The following ETF1 variants were observed in gnomAD, a reference collection of about 807,000 sequenced individuals.
ETF1 encodes eukaryotic peptide chain release factor subunit 1.
ETF1 carries 4 observed loss-of-function variants against 55.1 expected under a neutral mutation model. That is an observed-to-expected ratio of 0.07 (90% CI 0.04 to 0.17). ETF1 has a LOEUF of 0.17. Ranked by LOEUF, ETF1 falls within the 10% of genes least tolerant of loss-of-function variation. The probability of loss-of-function intolerance (pLI) is 1.00; values close to 1 mark genes in which losing one functional copy is unlikely to be tolerated. For synonymous variants in ETF1, 157 were observed against 182.3 expected, an observed-to-expected ratio of 0.86 and a Z score of 1.12; for missense variants, 142 against 523.6, an observed-to-expected ratio of 0.27 and a Z score of 7.11.
intron 2 of ETF1, among the ~76,000 whole-genome samples, chr5:138,530,085 T>C (rs1580710228): frequency 6.6e-6 from 1 of 151,830 alleles, no homozygotes; most frequent in East Asian, 1.9e-4. Context: ...TCATCAACAA[T>C]GCTCAAGAAC....
intron 2 of ETF1, chr5:138,519,203 T>C: frequency 1.0e-6 from 1 of 985,040 alleles, no homozygotes; most frequent in Non-Finnish European, 1.2e-6. Context: ...TGGTAGTGAA[T>C]CTGTCCGTGG....
At position 138,506,797 on chromosome 5, in the gene ETF1, T is replaced by C. The variant is rs1231034121; in HGVS notation, c.*1508A>G. 1 of 152,590 alleles carries C rather than the reference T, an allele frequency of 6.6e-6. No individual in the cohort carries two copies. The highest frequency in any genetic ancestry group is 1.5e-5 in the Non-Finnish European group (1 of 68,028). The allele number at this position is 152,590 out of a possible 1,614,324, so 9.5% of individuals were successfully genotyped here. On this transcript the variant is annotated 3_prime_UTR_variant, in exon 11 of 11. Coordinates refer to ENST00000360541, the MANE Select transcript of ETF1 (RefSeq NM_004730.4). ...CTGTAACCTGGGAACAAGGAGCTGG[T>C]TCAGACCAATAAAGCTACGAGTGAC...
chr5:138,529,263 T>G (rs1006448863), intron 2 of ETF1, among the ~76,000 whole-genome samples: 1 of 152,164 alleles, frequency 6.6e-6, no homozygotes, highest in African/African-American at 2.4e-5. Flanking sequence ...TGCAAGTCAA[T>G]CAAAGTTGTT....
At chr5:138,513,879 T>C (rs1057231024) in intron 4 of ETF1, 173 bp from the exon 5 acceptor site, 38 of 799,104 alleles carry the variant, frequency 4.8e-5, no homozygotes, top group Admixed American at 6.2e-5. Context: ...GTAACTCTTA[T>C]GGACAAATTT....
At chr5:138,514,568 CTT>C (rs59685005) in intron 4 of ETF1, among the ~76,000 whole-genome samples, 108 of 139,630 alleles carry the variant, frequency 7.7e-4, no homozygotes, top group Non-Finnish European at 6.9e-4. Context: ...TAACTTGTTC[CTT>C]TTTTTTTTTT....
At chr5:138,511,909 T>C in intron 6 of ETF1, 3 of 984,904 alleles carry the variant, frequency 3.0e-6, no homozygotes, top group Non-Finnish European at 3.6e-6. Context: ...TAGTAGAGGT[T>C]AAGACGGGCT....
chr5:138,539,253 G>C (rs563074309), intron 2 of ETF1, among the ~76,000 whole-genome samples: 16 of 152,166 alleles, frequency 1.1e-4, no homozygotes, highest in Non-Finnish European at 1.8e-4. Context: ...CTCTAGTTAT[G>C]ATTTTATTAA....
At chr5:138,523,660 T>A (rs145688201) in intron 2 of ETF1, among the ~76,000 whole-genome samples, 1 of 152,194 alleles carries the variant, frequency 6.6e-6, no homozygotes, top group Admixed American at 6.5e-5. Context: ...AGAGTGATTG[T>A]TAAAGGGTAC....
At chr5:138,528,205 G>A (rs761698041) in intron 2 of ETF1, among the ~76,000 whole-genome samples, 5 of 152,196 alleles carry the variant, frequency 3.3e-5, no homozygotes, top group Admixed American at 6.5e-5. Context: ...TCAGAGCTGA[G>A]GAAGAACAGG....
At chr5:138,541,717 G>T in intron 2 of ETF1, 1 of 1,109,362 alleles carries the variant, frequency 9.0e-7, no homozygotes, top group Non-Finnish European at 1.1e-6. Context: ...ACTATTCTAA[G>T]AATGCTCAGA....
intron 2 of ETF1, among the ~76,000 whole-genome samples, chr5:138,524,378 T>C (rs2127097861): frequency 1.3e-5 from 2 of 151,010 alleles, no homozygotes; most frequent in Middle Eastern, 3.4e-3. Flanking sequence ...ACCAAAAAAA[T>C]ATAGTGAGAC....
chr5:138,534,045 T>C (rs1580716602), intron 2 of ETF1, among the ~76,000 whole-genome samples: 1 of 152,296 alleles, frequency 6.6e-6, no homozygotes, highest in South Asian at 2.1e-4. Context: ...TGAAATTAGT[T>C]TATGCAATTG....
intron 2 of ETF1, among the ~76,000 whole-genome samples, chr5:138,524,405 T>A (rs185744397): frequency 5.7e-4 from 87 of 151,456 alleles, no homozygotes; most frequent in African/African-American, 2.0e-3. Context: ...CTACAAAAAT[T>A]AGGCAAGTAT....
At chr5:138,532,935 T>C (rs1026686853) in intron 2 of ETF1, among the ~76,000 whole-genome samples, 1 of 152,062 alleles carries the variant, frequency 6.6e-6, no homozygotes, top group Non-Finnish European at 1.5e-5. Flanking sequence ...AGTAAGTGTA[T>C]ATAAGCTTCT....
intron 6 of ETF1, chr5:138,511,930 G>A (rs1764801505): frequency 1.0e-6 from 1 of 980,594 alleles, no homozygotes; most frequent in East Asian, 1.1e-4. Flanking sequence ...GGGGAGGGTG[G>A]CTCACACCTA....
chr5:138,514,345 G>C (rs917257980), intron 4 of ETF1, among the ~76,000 whole-genome samples: 1 of 152,298 alleles, frequency 6.6e-6, no homozygotes, highest in East Asian at 1.9e-4. Flanking sequence ...CTTGAGCTCA[G>C]GAGTTTGAGA....
At chr5:138,516,946 G>T (rs1443433370) in intron 4 of ETF1, among the ~76,000 whole-genome samples, 1 of 152,084 alleles carries the variant, frequency 6.6e-6, no homozygotes, top group African/African-American at 2.4e-5. Context: ...TGGCATATAG[G>T]TATACAATGG....
intron 2 of ETF1, among the ~76,000 whole-genome samples, chr5:138,540,028 T>C (rs1766108301): frequency 6.6e-6 from 1 of 152,212 alleles, no homozygotes; most frequent in African/African-American, 2.4e-5. Context: ...GCCAACATAC[T>C]TCCCTTTATT....
At chr5:138,535,457 C>A (rs551281182) in intron 2 of ETF1, among the ~76,000 whole-genome samples, 1 of 151,572 alleles carries the variant, frequency 6.6e-6, no homozygotes, top group African/African-American at 2.4e-5. Flanking sequence ...CGGTGGCTCA[C>A]GCCTGTAATC....
Sources: allele counts gnomAD v4.1 joint callset (sites outside exome capture counted in the v4.1 genomes callset), GRCh38; gene constraint gnomAD v4.1.1; transcripts MANE v1.5; gene names NCBI Gene and HGNC (gene_info 2026-07-23, HGNC 2026-07-21).